The following KCTD16 variants were observed in gnomAD, a reference collection of about 807,000 sequenced individuals.
The protein encoded by KCTD16 is BTB/POZ domain-containing protein KCTD16.
A neutral mutation model predicts 33.2 loss-of-function variants in KCTD16; 13 were observed. The observed-to-expected ratio is 0.39, with a 90% CI of 0.25 to 0.62. The LOEUF is 0.62. Among genes scored for constraint, KCTD16 ranks in the 20% least tolerant of loss-of-function variants. KCTD16 has a pLI of 0.50. For missense variants in KCTD16, 441 were observed against 525.1 expected, an observed-to-expected ratio of 0.84 and a Z score of 1.57; for synonymous variants, 197 against 195.3, an observed-to-expected ratio of 1.01 and a Z score of -0.07.
intron 2 of KCTD16, among the ~76,000 whole-genome samples, chr5:144,182,376 A>G (rs567438976): frequency 6.6e-6 from 1 of 152,330 alleles, no homozygotes; most frequent in South Asian, 2.1e-4. Flanking sequence ...ATAGCAGTAG[A>G]AAACAGACTA....
chr5:144,309,532 T>C (rs948470620), intron 3 of KCTD16, among the ~76,000 whole-genome samples: 1 of 152,156 alleles, frequency 6.6e-6, no homozygotes, highest in African/African-American at 2.4e-5. Context: ...GATTGGGAAA[T>C]GGGCCAGGGC....
intron 3 of KCTD16, among the ~76,000 whole-genome samples, chr5:144,388,447 C>T (rs1310617771): frequency 1.3e-5 from 2 of 152,086 alleles, no homozygotes; most frequent in Non-Finnish European, 2.9e-5. Flanking sequence ...TTTACGTTTT[C>T]CTTTATTAAT....
intron 3 of KCTD16, among the ~76,000 whole-genome samples, chr5:144,307,329 C>T (rs1015575756): frequency 3.3e-5 from 5 of 152,182 alleles, no homozygotes; most frequent in Non-Finnish European, 7.3e-5. Flanking sequence ...GCCTCGCTCA[C>T]AGCAGCATTA....
chr5:144,289,934 T>C (rs1445443646), intron 3 of KCTD16, among the ~76,000 whole-genome samples: 2 of 152,160 alleles, frequency 1.3e-5, no homozygotes, highest in Non-Finnish European at 2.9e-5. Context: ...AGTGGATTTG[T>C]TAATAAACAT....
rs1264368380 is a variant in KCTD16, at chr5:144,478,232, G to A, written c.*4118G>A. ...TGTCATTTGTATAGAACTGTATAAT[G>A]ATTAATATCTGCAGAGAAATTAGAC... On this transcript the variant is annotated 3_prime_UTR_variant, in exon 4 of 4. Coordinates refer to ENST00000512467, the MANE Select transcript of KCTD16 (RefSeq NM_020768.4). The A allele has an allele frequency of 6.6e-6, 1 of 152,034 alleles. No homozygotes were observed. The highest frequency in any genetic ancestry group is 2.4e-5 in the African/African-American group (1 of 41,412). 9.4% of individuals were successfully genotyped at this position (152,034 alleles called of 1,614,324 possible).
rs191359325 is a variant in KCTD16, at chr5:144,418,331, C to A, written c.833-55329C>A. Among the ~76,000 whole-genome samples, 270 of 152,230 alleles carry A rather than the reference C, an allele frequency of 1.8e-3. 1 individual carries two copies. Among genetic ancestry groups the A allele is most frequent in the African/African-American group, 6.3e-3 (260 of 41,560 alleles). On this transcript the variant is annotated intron_variant, in intron 3 of 3. Coordinates refer to ENST00000512467, the MANE Select transcript of KCTD16 (RefSeq NM_020768.4). ...CTTTTATTACCTTATTTGGCCCCAC[C>A]CACATCCTGCTGATTGGTCCATTTT...
At chr5:144,395,561 G>A (rs1028830815) in intron 3 of KCTD16, among the ~76,000 whole-genome samples, 1 of 152,152 alleles carries the variant, frequency 6.6e-6, no homozygotes, top group African/African-American at 2.4e-5. Context: ...ACCTGTAGTA[G>A]TCTTCTCTAT....
intron 3 of KCTD16, among the ~76,000 whole-genome samples, chr5:144,272,751 T>C (rs561130453): frequency 4.5e-4 from 69 of 152,210 alleles, no homozygotes; most frequent in Non-Finnish European, 7.5e-4. Context: ...TTTCAACAAA[T>C]GGTTCTGAGA....
intron 3 of KCTD16, among the ~76,000 whole-genome samples, chr5:144,439,034 T>C (rs1580965666): frequency 8.1e-6 from 1 of 123,162 alleles, no homozygotes; most frequent in Non-Finnish European, 1.6e-5. Context: ...ATTTCATCTG[T>C]TTTTTTTTTC....
At chr5:144,445,620 A>T (rs1298523616) in intron 3 of KCTD16, among the ~76,000 whole-genome samples, 1 of 151,962 alleles carries the variant, frequency 6.6e-6, no homozygotes, top group African/African-American at 2.4e-5. Context: ...GGTTCAGGAA[A>T]TTTTTTAATT....
Position 144,338,593 on chromosome 5 carries a change from G to T in KCTD16, c.832+131047G>T, listed in dbSNP as rs574279572. Among the ~76,000 whole-genome samples, 26 of 152,292 alleles carry T rather than the reference G, an allele frequency of 1.7e-4. No homozygotes were observed. In the South Asian group the frequency reaches 5.2e-3, roughly 30 times the overall value. ...CCTGATGAAAGAAAAAACCCTGGGG[G>T]TTCAGACAACAGATGAGTTTGAACA... On this transcript the variant is annotated intron_variant, in intron 3 of 3. Transcript: ENST00000512467.
chr5:144,358,781 T>C (rs1016627046), intron 3 of KCTD16, among the ~76,000 whole-genome samples: 1 of 152,222 alleles, frequency 6.6e-6, no homozygotes, highest in Non-Finnish European at 1.5e-5. Flanking sequence ...GTCTTCTCAC[T>C]GCACCCTCAG....
At chr5:144,212,988 A>C (rs568344611) in intron 3 of KCTD16, among the ~76,000 whole-genome samples, 1 of 152,252 alleles carries the variant, frequency 6.6e-6, no homozygotes, top group East Asian at 1.9e-4. Context: ...TCATTTCTTT[A>C]TCCACAAATG....
At chr5:144,366,385 T>C (rs1357935449) in intron 3 of KCTD16, among the ~76,000 whole-genome samples, 1 of 152,216 alleles carries the variant, frequency 6.6e-6, no homozygotes, top group Non-Finnish European at 1.5e-5. Context: ...ACATTACATA[T>C]GCAAGCCTTT....
intron 3 of KCTD16, among the ~76,000 whole-genome samples, chr5:144,347,911 G>A (rs1752848714): frequency 6.6e-6 from 1 of 152,180 alleles, no homozygotes; most frequent in African/African-American, 2.4e-5. Flanking sequence ...TCTCTGCACA[G>A]CAGCTGGTGC....
intron 3 of KCTD16, among the ~76,000 whole-genome samples, chr5:144,286,253 C>T (rs930007275): frequency 6.6e-6 from 1 of 152,024 alleles, no homozygotes; most frequent in Non-Finnish European, 1.5e-5. Context: ...AATATCTTCA[C>T]TTTATATTTT....
intron 3 of KCTD16, among the ~76,000 whole-genome samples, chr5:144,460,772 C>A (rs1413567252): frequency 6.6e-6 from 1 of 152,158 alleles, no homozygotes; most frequent in Non-Finnish European, 1.5e-5. Flanking sequence ...ATCCCTGTGG[C>A]CAGCTGTGTA....
chr5:144,460,056 T>C lies in KCTD16; in HGVS notation c.833-13604T>C, dbSNP rs1157711804. On this transcript the variant is annotated intron_variant, in intron 3 of 3. Transcript: ENST00000512467. ...TCTGTGTTAGCCAGGATGGTCTCGA[T>C]ATCCTGACCTCGTGATCCGCCCGCC... 2.0e-5 allele frequency among the ~76,000 whole-genome samples: 3 copies of C among 151,764 alleles called. No individual in the cohort carries two copies. The East Asian group carries it at 5.9e-4, about 30-fold the overall frequency.
At chr5:144,233,351 T>C (rs925448276) in intron 3 of KCTD16, among the ~76,000 whole-genome samples, 1 of 152,118 alleles carries the variant, frequency 6.6e-6, no homozygotes, top group Non-Finnish European at 1.5e-5. Flanking sequence ...CATTGGCTTA[T>C]TACTCTGAAA....
Sources: allele counts gnomAD v4.1 joint callset (sites outside exome capture counted in the v4.1 genomes callset), GRCh38; gene constraint gnomAD v4.1.1; transcripts MANE v1.5; gene names NCBI Gene and HGNC (gene_info 2026-07-23, HGNC 2026-07-21).